RIN2: variants seen among roughly 807,000 people sequenced by gnomAD.
RIN2 encodes RAB5 interacting protein 2.
RIN2 carries 36 observed loss-of-function variants against 78.0 expected under a neutral mutation model. The observed-to-expected ratio is 0.46, with a 90% CI of 0.35 to 0.61. The LOEUF (loss-of-function observed/expected upper bound fraction) is 0.61. Ranked by LOEUF, RIN2 falls within the 20% of genes least tolerant of loss-of-function variation. RIN2 has a pLI of 0.00. For missense variants in RIN2, 1,087 were observed against 1,159.7 expected (o/e 0.94, Z 0.91); for synonymous variants, 466 against 466.8 (o/e 1.00, Z 0.02).
At chr20:19,966,039 A>G (rs1264951485) in intron 7 of RIN2, among the ~76,000 whole-genome samples, 1 of 152,188 alleles carries the variant, frequency 6.6e-6, no homozygotes, top group East Asian at 1.9e-4. Flanking sequence ...TCAGTAATTA[A>G]GAATCAAAAT....
chr20:19,860,289 T>C (rs568445181), intron 2 of RIN2, among the ~76,000 whole-genome samples: 86 of 152,104 alleles, frequency 5.7e-4, no homozygotes, highest in African/African-American at 2.0e-3. Flanking sequence ...CCCCTTTACA[T>C]GGGTGATTCT....
intron 2 of RIN2, among the ~76,000 whole-genome samples, chr20:19,834,017 G>A (rs2036331098): frequency 6.6e-6 from 1 of 152,088 alleles, no homozygotes; most frequent in African/African-American, 2.4e-5. Context: ...GAGACCCCCA[G>A]TGGCCTGGTA....
chr20:19,969,614 C>G (rs2042042296), intron 7 of RIN2, among the ~76,000 whole-genome samples: 1 of 152,092 alleles, frequency 6.6e-6, no homozygotes, highest in Non-Finnish European at 1.5e-5. Context: ...TATCGGTATC[C>G]CCTGACATGG....
At chr20:19,859,528 C>A (rs1170272047) in intron 2 of RIN2, among the ~76,000 whole-genome samples, 1 of 152,178 alleles carries the variant, frequency 6.6e-6, no homozygotes, top group African/African-American at 2.4e-5. Context: ...ATCTTTCTTG[C>A]CCACTTTGAA....
chr20:19,777,869 C>T (rs1002321560), intron 1 of RIN2, among the ~76,000 whole-genome samples: 3 of 152,184 alleles, frequency 2.0e-5, no homozygotes, highest in Admixed American at 6.5e-5. Context: ...TTTTTAGGAG[C>T]CACCAAAATG....
At chr20:19,840,373 T>C (rs1031820230) in intron 2 of RIN2, among the ~76,000 whole-genome samples, 1 of 152,216 alleles carries the variant, frequency 6.6e-6, no homozygotes, top group Non-Finnish European at 1.5e-5. Context: ...TGTCTATCCT[T>C]ACAAGGTGCC....
chr20:19,871,622 G>GCCATT (rs2037691804), intron 2 of RIN2, among the ~76,000 whole-genome samples: 1 of 152,164 alleles, frequency 6.6e-6, no homozygotes, highest in African/African-American at 2.4e-5. Context: ...AGGTTTGGCT[G>GCCATT]GGAGTTAGGG....
chr20:19,986,274 T>G (rs923611245), intron 9 of RIN2, among the ~76,000 whole-genome samples: 2 of 152,122 alleles, frequency 1.3e-5, no homozygotes, highest in Admixed American at 1.3e-4. Context: ...CGTGGGTCCC[T>G]CTTTTCATTT....
chr20:19,880,895 T>A (rs904263372), intron 2 of RIN2, among the ~76,000 whole-genome samples: 8 of 152,188 alleles, frequency 5.3e-5, no homozygotes, highest in African/African-American at 1.9e-4. Context: ...TGGAACCCAC[T>A]AAGTCTAAAA....
rs146738810 is a variant in RIN2, at chr20:19,792,084, C to T, written c.-162-7538C>T. Among the ~76,000 whole-genome samples, 3 of 152,212 alleles carry T rather than the reference C, an allele frequency of 2.0e-5. No homozygotes were observed. The East Asian group carries it at 5.8e-4, about 30-fold the overall frequency. On this transcript the variant is annotated intron_variant, in intron 1 of 12. Coordinates refer to ENST00000255006, the MANE Select transcript of RIN2 (RefSeq NM_018993.4). ...GACATGGCCAGAGCAGTTGACAAGG[C>T]CAAGTGGACAGTATGAGCTGAAAGA... is the stretch of plus-strand genomic sequence containing the variant.
intron 2 of RIN2, among the ~76,000 whole-genome samples, chr20:19,834,521 C>T (rs548134629): frequency 6.6e-6 from 1 of 152,300 alleles, no homozygotes; most frequent in African/African-American, 2.4e-5. Flanking sequence ...CCCTGACAGG[C>T]TCCTCCTCCT....
intron 3 of RIN2, among the ~76,000 whole-genome samples, chr20:19,921,877 T>C (rs1367029124): frequency 6.6e-6 from 1 of 151,190 alleles, no homozygotes; most frequent in Non-Finnish European, 1.5e-5. Context: ...TGTTTGTTTG[T>C]TTGTTTGTGA....
chr20:19,916,893 A>G (rs1309483116), intron 3 of RIN2, among the ~76,000 whole-genome samples: 1 of 152,178 alleles, frequency 6.6e-6, no homozygotes, highest in African/African-American at 2.4e-5. Flanking sequence ...ATGCTGCTTG[A>G]TATACAGATC....
At chr20:19,768,670 C>A (rs116061354) in intron 1 of RIN2, among the ~76,000 whole-genome samples, 2,123 of 152,270 alleles carry the variant, frequency 0.014, 43 homozygotes, top group African/African-American at 0.048. Flanking sequence ...ATTGTCATTT[C>A]TTGTGACCTC....
At chr20:19,947,632 T>C (rs1395262194) in intron 4 of RIN2, among the ~76,000 whole-genome samples, 1 of 152,252 alleles carries the variant, frequency 6.6e-6, no homozygotes, top group Admixed American at 6.5e-5. Flanking sequence ...ACACTTACCA[T>C]GTAAACAATG....
At chr20:19,978,841 T>A (rs1336728217) in intron 9 of RIN2, among the ~76,000 whole-genome samples, 1 of 152,148 alleles carries the variant, frequency 6.6e-6, no homozygotes, top group Non-Finnish European at 1.5e-5. Flanking sequence ...AACAGACAAA[T>A]GCTTTAATAA....
intron 2 of RIN2, among the ~76,000 whole-genome samples, chr20:19,879,468 C>T (rs771214934): frequency 3.9e-5 from 6 of 152,280 alleles, no homozygotes; most frequent in South Asian, 4.1e-4. Flanking sequence ...ACTGTGCTTC[C>T]GCTGACTGTC....
At chr20:19,932,703 A>AG (rs2146107697) in intron 3 of RIN2, among the ~76,000 whole-genome samples, 1 of 152,254 alleles carries the variant, frequency 6.6e-6, no homozygotes, top group Non-Finnish European at 1.5e-5. Context: ...CTCCTTAGAT[A>AG]ATCTCTCCCT....
At chr20:19,956,099 A>T (rs2146232957) in intron 4 of RIN2, among the ~76,000 whole-genome samples, 1 of 152,108 alleles carries the variant, frequency 6.6e-6, no homozygotes, top group South Asian at 2.1e-4. Flanking sequence ...TCTATTAAAA[A>T]TACAAAAATT....
Sources: gnomAD v4.1 joint callset for allele counts (sites outside exome capture counted in the v4.1 genomes callset) on GRCh38, gnomAD v4.1.1 for gene constraint, MANE v1.5 for transcripts, NCBI Gene and HGNC (gene_info 2026-07-23, HGNC 2026-07-21) for gene names.